Variants in CNBD1 observed in about 807,000 individuals in gnomAD.
The protein encoded by CNBD1 is cyclic nucleotide binding domain containing 1.
In CNBD1, 71 loss-of-function variants were observed where a neutral mutation model predicts 54.4. That is an observed-to-expected ratio of 1.30 (90% confidence interval 1.08 to 1.59). The LOEUF is 1.59. CNBD1 is among the 40% of genes most tolerant of loss of function. CNBD1 has a pLI of 0.00. For missense variants in CNBD1, 659 were observed against 518.0 expected (o/e 1.27, Z -2.64); for synonymous variants, 182 against 170.7 (o/e 1.07, Z -0.51).
At chr8:87,030,964 C>T (rs957213271) in intron 4 of CNBD1, among the ~76,000 whole-genome samples, 2 of 133,324 alleles carry the variant, frequency 1.5e-5, no homozygotes, top group African/African-American at 2.8e-5. Context: ...TCCTCTCCCC[C>T]CTTCTTTCTC....
chr8:87,104,336 T>C (rs1267312176), intron 4 of CNBD1, among the ~76,000 whole-genome samples: 1 of 152,226 alleles, frequency 6.6e-6, no homozygotes, highest in Non-Finnish European at 1.5e-5. Flanking sequence ...TTCTGAATGA[T>C]GGCAAATTCC....
chr8:87,371,177 G>C (rs1044059781), intron 10 of CNBD1, among the ~76,000 whole-genome samples: 1 of 151,842 alleles, frequency 6.6e-6, no homozygotes, highest in Non-Finnish European at 1.5e-5. Context: ...CTCCAGTTTT[G>C]TTCTTTCGGC....
chr8:86,953,076 T>C (rs1003223218), intron 4 of CNBD1, among the ~76,000 whole-genome samples: 3 of 152,222 alleles, frequency 2.0e-5, no homozygotes, highest in African/African-American at 7.2e-5. Flanking sequence ...GTTATTCCTT[T>C]TTCTTTCTGA....
In CNBD1 at chr8:87,243,583, C is replaced by T. The variant is rs1299326851; in HGVS notation, c.771+6471C>T. 2.0e-5 allele frequency among the ~76,000 whole-genome samples: 3 copies of T among 152,044 alleles called. No homozygotes were observed. The East Asian group carries it at 5.8e-4, about 29-fold the overall frequency. On this transcript the variant is annotated intron_variant, in intron 6 of 10. Coordinates refer to ENST00000518476, the MANE Select transcript of CNBD1 (RefSeq NM_173538.3). Reference sequence around the variant, plus strand: ...TCCTGGTATGGTCTTACCCTGGTTCCCTAAATCTTTTACCTCATTTATTCA... The same window carrying T: ...TCCTGGTATGGTCTTACCCTGGTTCTCTAAATCTTTTACCTCATTTATTCA...
At chr8:87,371,818 G>C (rs1316828453) in intron 10 of CNBD1, among the ~76,000 whole-genome samples, 1 of 151,808 alleles carries the variant, frequency 6.6e-6, no homozygotes, top group Non-Finnish European at 1.5e-5. Context: ...CAATAAATTA[G>C]GTATTGACAG....
rs1198273631 is a variant in CNBD1, at chr8:86,896,311, G to T, written c.158+8700G>T. ...TGTGATACCCCCAATCTTTATAAAA[G>T]TACCAATGGCATTCTTCACAGAGTA... On this transcript the variant is annotated intron_variant, in intron 2 of 10. Coordinates refer to ENST00000518476, the MANE Select transcript of CNBD1 (RefSeq NM_173538.3). Among the ~76,000 whole-genome samples, 8 of 152,150 alleles carry T rather than the reference G, an allele frequency of 5.3e-5. No homozygotes were observed. The South Asian group carries it at 1.7e-3, about 32-fold the overall frequency.
At chr8:87,032,616 G>A (rs1393347479) in intron 4 of CNBD1, among the ~76,000 whole-genome samples, 2 of 152,156 alleles carry the variant, frequency 1.3e-5, no homozygotes, top group African/African-American at 4.8e-5. Flanking sequence ...GGAGGCAGAA[G>A]AGACAGGGAT....
chr8:86,936,341 A>G (rs922120990), intron 3 of CNBD1, among the ~76,000 whole-genome samples: 2 of 152,230 alleles, frequency 1.3e-5, no homozygotes, highest in Non-Finnish European at 2.9e-5. Flanking sequence ...TAATTACATT[A>G]GATACAGAAA....
At chr8:86,910,632 A>C (rs1437443363) in intron 3 of CNBD1, among the ~76,000 whole-genome samples, 1 of 152,226 alleles carries the variant, frequency 6.6e-6, no homozygotes, top group Non-Finnish European at 1.5e-5. Context: ...CCCTTTAAGC[A>C]ATAAGAAAAG....
chr8:87,064,606 A>G (rs998039917), intron 4 of CNBD1, among the ~76,000 whole-genome samples: 1 of 151,740 alleles, frequency 6.6e-6, no homozygotes, highest in African/African-American at 2.4e-5. Context: ...TCATCTCTCC[A>G]ATTTTATTTG....
chr8:87,125,365 C>G (rs761670292), intron 4 of CNBD1, among the ~76,000 whole-genome samples: 1 of 151,774 alleles, frequency 6.6e-6, no homozygotes, highest in African/African-American at 2.4e-5. Context: ...CATCACACTT[C>G]CTGATTTCAA....
At chr8:86,957,419 T>C (rs1286279779) in intron 4 of CNBD1, among the ~76,000 whole-genome samples, 1 of 152,214 alleles carries the variant, frequency 6.6e-6, no homozygotes, top group South Asian at 2.1e-4. Context: ...AGCTCCTCTT[T>C]GTACCTCTGG....
intron 6 of CNBD1, among the ~76,000 whole-genome samples, chr8:87,246,088 G>T (rs898290340): frequency 2.6e-5 from 4 of 151,708 alleles, no homozygotes; most frequent in Non-Finnish European, 4.4e-5. Context: ...CAGTTTTGGT[G>T]TTTTTTTGTA....
intron 8 of CNBD1, among the ~76,000 whole-genome samples, chr8:87,312,896 A>G (rs1464571303): frequency 6.6e-6 from 1 of 152,036 alleles, no homozygotes; most frequent in Non-Finnish European, 1.5e-5. Flanking sequence ...AGATAGAGCT[A>G]TGAGATTTGT....
rs555148306 is a variant in CNBD1 at position 87,230,687 on chromosome 8, C to G, written c.578-6232C>G. On this transcript the variant is annotated intron_variant, in intron 5 of 10. Coordinates refer to ENST00000518476, the MANE Select transcript of CNBD1 (RefSeq NM_173538.3). ...TTAGAACACCTAGCACAGTGCATGA[C>G]AAATATTTAATGCTTGGTACATGAT... is the stretch of plus-strand genomic sequence containing the variant. 2.0e-5 allele frequency among the ~76,000 whole-genome samples: 3 copies of G among 152,232 alleles called. No individual in the cohort carries two copies. In the South Asian group the frequency reaches 6.2e-4, roughly 32 times the overall value.
intron 4 of CNBD1, among the ~76,000 whole-genome samples, chr8:87,063,251 A>C (rs1451055051): frequency 1.3e-5 from 2 of 152,150 alleles, no homozygotes; most frequent in Non-Finnish European, 2.9e-5. Context: ...GCACATTTAC[A>C]CCTGTTCAAC....
chr8:87,247,436 T>C (rs13274848), intron 6 of CNBD1, among the ~76,000 whole-genome samples: 49,922 of 152,094 alleles, frequency 0.33, 9,005 homozygotes, highest in Middle Eastern at 0.42. Context: ...GAAATCCCAA[T>C]GTTCACTCAT....
chr8:87,129,629 G>C (rs1425576309), intron 4 of CNBD1, among the ~76,000 whole-genome samples: 2 of 151,912 alleles, frequency 1.3e-5, no homozygotes, highest in Non-Finnish European at 2.9e-5. Context: ...TCAAGATGTA[G>C]CTTTAGGTCA....
chr8:86,956,873 A>G (rs1807785912), intron 4 of CNBD1, among the ~76,000 whole-genome samples: 2 of 152,198 alleles, frequency 1.3e-5, no homozygotes, highest in African/African-American at 2.4e-5. Context: ...TCTGTTGAAC[A>G]GGAGTGGCGA....
Sources: allele counts gnomAD v4.1 joint callset (sites outside exome capture counted in the v4.1 genomes callset), GRCh38; gene constraint gnomAD v4.1.1; transcripts MANE v1.5; gene names NCBI Gene and HGNC (gene_info 2026-07-23, HGNC 2026-07-21).